Variants in HS6ST3 observed in about 807,000 individuals in gnomAD.
HS6ST3 encodes heparan sulfate 6-O-sulfotransferase 3.
A neutral mutation model predicts 36.7 loss-of-function variants in HS6ST3; 12 were observed. That is an observed-to-expected ratio of 0.33 (90% CI 0.21 to 0.53). The LOEUF is 0.53. Ranked by LOEUF, HS6ST3 falls within the 20% of genes least tolerant of loss-of-function variation. The probability of loss-of-function intolerance (pLI) is 0.95; values close to 1 mark genes in which losing one functional copy is unlikely to be tolerated. For missense variants in HS6ST3, 584 were observed against 640.9 expected (o/e 0.91, Z 0.96); for synonymous variants, 240 against 257.5 (o/e 0.93, Z 0.65).
intron 1 of HS6ST3, among the ~76,000 whole-genome samples, chr13:96,094,324 C>T (rs1385907813): frequency 5.3e-5 from 8 of 152,112 alleles, no homozygotes; most frequent in Admixed American, 2.6e-4. Flanking sequence ...TATAGTAATA[C>T]TGCAATATCA....
At position 96,331,329 on chromosome 13, in the gene HS6ST3, T is replaced by G. The variant is rs189711630; in HGVS notation, c.707+239760T>G. ...TGTGGTTTTATCTACTTTTGGTCTT[T>G]GATGATGGTGATGTACAGATGGGTT... On this transcript the variant is annotated intron_variant, in intron 1 of 1. Transcript: ENST00000376705. Among the ~76,000 whole-genome samples the G allele has an allele frequency of 5.9e-3, 896 of 151,822 alleles. 7 individuals are homozygous for G. The highest frequency in any genetic ancestry group is 0.048 in the Middle Eastern group (14 of 294).
chr13:96,128,865 T>TTTTTTTA (rs1376093401), intron 1 of HS6ST3, among the ~76,000 whole-genome samples: 1 of 151,476 alleles, frequency 6.6e-6, no homozygotes, highest in African/African-American at 2.4e-5. Context: ...TTTTTTTTTT[T>TTTTTTTA]GGCGGAGTTT....
At chr13:96,106,988 C>T (rs1016765201) in intron 1 of HS6ST3, among the ~76,000 whole-genome samples, 6 of 152,212 alleles carry the variant, frequency 3.9e-5, no homozygotes, top group Admixed American at 6.5e-5. Flanking sequence ...TTTAACTGTT[C>T]GGATAGAGGC....
intron 1 of HS6ST3, among the ~76,000 whole-genome samples, chr13:96,264,669 C>T (rs1273949988): frequency 6.6e-6 from 1 of 152,096 alleles, no homozygotes. Context: ...GCCCTTTTCC[C>T]AGTTTTATTT....
intron 1 of HS6ST3, among the ~76,000 whole-genome samples, chr13:96,224,719 A>G (rs1320165878): frequency 6.6e-6 from 1 of 152,206 alleles, no homozygotes; most frequent in Non-Finnish European, 1.5e-5. Flanking sequence ...ATAAAAGGAG[A>G]CAGAGTTAGA....
intron 1 of HS6ST3, among the ~76,000 whole-genome samples, chr13:96,305,895 A>T: frequency 7.8e-6 from 1 of 128,012 alleles, no homozygotes; most frequent in African/African-American, 2.9e-5. Context: ...CATTTCTATT[A>T]ACATTTATGT....
chr13:96,319,422 G>A (rs2054992662), intron 1 of HS6ST3, among the ~76,000 whole-genome samples: 1 of 152,136 alleles, frequency 6.6e-6, no homozygotes, highest in African/African-American at 2.4e-5. Context: ...TTGTTTGAAT[G>A]TTTTGGCTCT....
intron 1 of HS6ST3, among the ~76,000 whole-genome samples, chr13:96,730,453 C>T (rs1876120522): frequency 6.6e-6 from 1 of 152,164 alleles, no homozygotes; most frequent in Admixed American, 6.5e-5. Context: ...CCAGGTCAGC[C>T]ATTGGCTTTA....
At chr13:96,760,003 T>G (rs1034224328) in intron 1 of HS6ST3, among the ~76,000 whole-genome samples, 2 of 152,022 alleles carry the variant, frequency 1.3e-5, no homozygotes, top group Non-Finnish European at 2.9e-5. Context: ...TTTTTTTTGC[T>G]GTTGTTGTTT....
chr13:96,267,321 C>A (rs1284304424), intron 1 of HS6ST3, among the ~76,000 whole-genome samples: 1 of 152,058 alleles, frequency 6.6e-6, no homozygotes, highest in Non-Finnish European at 1.5e-5. Context: ...CATCTCTCAT[C>A]TTGTACATTA....
rs571801830 is a variant in HS6ST3 at position 96,323,635 on chromosome 13, T to G, written c.707+232066T>G. On this transcript the variant is annotated intron_variant, in intron 1 of 1. Transcript: ENST00000376705. ...TCAGGACCTTTGCCCTCCCTGTGCC[T>G]CCTTCCTGGAGCCCTGGCCCCCATG... is the stretch of plus-strand genomic sequence containing the variant. 3.3e-5 allele frequency among the ~76,000 whole-genome samples: 5 copies of G among 152,292 alleles called. No homozygotes were observed. The South Asian group carries it at 1.0e-3, about 32-fold the overall frequency.
At chr13:96,318,490 G>T (rs190238793) in intron 1 of HS6ST3, among the ~76,000 whole-genome samples, 2 of 152,276 alleles carry the variant, frequency 1.3e-5, no homozygotes, top group East Asian at 3.9e-4. Flanking sequence ...CCTAGATCAT[G>T]CCATTGCACG....
intron 1 of HS6ST3, among the ~76,000 whole-genome samples, chr13:96,743,401 G>A (rs185070704): frequency 6.6e-6 from 1 of 152,214 alleles, no homozygotes; most frequent in Non-Finnish European, 1.5e-5. Flanking sequence ...CTCATAGGCA[G>A]TCCTTGAACT....
intron 1 of HS6ST3, among the ~76,000 whole-genome samples, chr13:96,322,612 A>AT (rs149485142): frequency 6.6e-6 from 1 of 152,016 alleles, no homozygotes; most frequent in Non-Finnish European, 1.5e-5. Context: ...ATAAAATGCA[A>AT]TTTTTTTCTC....
intron 1 of HS6ST3, among the ~76,000 whole-genome samples, chr13:96,816,960 C>T (rs1012619388): frequency 1.3e-5 from 2 of 152,046 alleles, no homozygotes; most frequent in African/African-American, 2.4e-5. Flanking sequence ...AGGTGTGGTA[C>T]GAGATTCTAC....
At chr13:96,135,275 T>A (rs1175458375) in intron 1 of HS6ST3, among the ~76,000 whole-genome samples, 4 of 152,174 alleles carry the variant, frequency 2.6e-5, no homozygotes, top group Non-Finnish European at 5.9e-5. Flanking sequence ...GCTGCAGTTA[T>A]CACCGTGGAC....
intron 1 of HS6ST3, among the ~76,000 whole-genome samples, chr13:96,708,796 A>C (rs553382607): frequency 8.0e-4 from 122 of 152,324 alleles, no homozygotes; most frequent in South Asian, 7.5e-3. Context: ...CTATCAATGA[A>C]GGACAAAGGA....
chr13:96,526,218 G>C (rs575155001), intron 1 of HS6ST3, among the ~76,000 whole-genome samples: 1 of 152,244 alleles, frequency 6.6e-6, no homozygotes, highest in South Asian at 2.1e-4. Flanking sequence ...ATCCAGGGGG[G>C]ACACAGGTCC....
At chr13:96,183,417 C>T (rs2054248923) in intron 1 of HS6ST3, among the ~76,000 whole-genome samples, 1 of 152,038 alleles carries the variant, frequency 6.6e-6, no homozygotes, top group African/African-American at 2.4e-5. Flanking sequence ...GCTGTGGGCA[C>T]CTGGAGATGT....
Sources: gnomAD v4.1 joint callset for allele counts (sites outside exome capture counted in the v4.1 genomes callset) on GRCh38, gnomAD v4.1.1 for gene constraint, MANE v1.5 for transcripts, NCBI Gene and HGNC (gene_info 2026-07-23, HGNC 2026-07-21) for gene names.